GCNT2: variants seen among roughly 807,000 people sequenced by gnomAD.
The protein encoded by GCNT2 is glucosaminyl (N-acetyl) transferase 2 (I blood group).
GCNT2 carries 34 observed loss-of-function variants against 34.2 expected under a neutral mutation model. The observed-to-expected ratio is 1.00, with a 90% CI of 0.76 to 1.32. The LOEUF (loss-of-function observed/expected upper bound fraction) is 1.32, where lower values mean the gene tolerates loss of function less well. Ranked by LOEUF, GCNT2 falls within the 40% of genes most tolerant of loss-of-function variation. The probability of loss-of-function intolerance (pLI) is 0.00; values close to 1 mark genes in which losing one functional copy is unlikely to be tolerated. For missense variants in GCNT2, 584 were observed against 489.4 expected (o/e 1.19, Z -1.82); for synonymous variants, 212 against 188.0 (o/e 1.13, Z -1.04).
intron 3 of GCNT2, among the ~76,000 whole-genome samples, chr6:10,572,273 A>T (rs1363253506): frequency 6.6e-6 from 1 of 152,220 alleles, no homozygotes; most frequent in Non-Finnish European, 1.5e-5. Flanking sequence ...CCACTCATTT[A>T]TGTAGGTTAC....
chr6:10,605,325 C>T (rs1765261871), intron 3 of GCNT2, among the ~76,000 whole-genome samples: 1 of 150,414 alleles, frequency 6.6e-6, no homozygotes, highest in South Asian at 2.1e-4. Context: ...AAGCCATCCC[C>T]CTACCTCAGC....
chr6:10,625,540 A>G (rs1396327885), intron 4 of GCNT2, among the ~76,000 whole-genome samples: 1 of 152,088 alleles, frequency 6.6e-6, no homozygotes, highest in African/African-American at 2.4e-5. Context: ...AAATTTCAAT[A>G]TTGACGTGTT....
chr6:10,545,328 C>T (rs1425935246), intron 3 of GCNT2, among the ~76,000 whole-genome samples: 1 of 152,066 alleles, frequency 6.6e-6, no homozygotes, highest in East Asian at 1.9e-4. Flanking sequence ...TCTGCGCTAT[C>T]GACATTTGAC....
chr6:10,565,084 C>T (rs1304508617), intron 3 of GCNT2, among the ~76,000 whole-genome samples: 1 of 152,170 alleles, frequency 6.6e-6, no homozygotes, highest in Non-Finnish European at 1.5e-5. Flanking sequence ...TGAAAGAGGT[C>T]CCAGGCAGAG....
chr6:10,529,821 C>A lies in GCNT2; in HGVS notation c.910C>A (p.Leu304Ile). The A allele has an allele frequency of 1.9e-6, 3 of 1,613,240 alleles. No individual in the cohort carries two copies. The highest frequency in any genetic ancestry group is 1.7e-6 in the Non-Finnish European group (2 of 1,179,226). The change falls in exon 3 of 5, where the codon CTC becomes ATC. Residue 304 changes from leucine (L) to isoleucine (I), a missense_variant. Physicochemically the swap from Leu to Ile is conservative, Grantham distance 5. Transcript: ENST00000495262. ...CCCCGACGAACATTTCTGGGTGACA[C>A]TCAACAGGATTCCCGGTATGTACGT... ...YSPDEHFWVT[L>I]NRIPGVPGSM...
intron 3 of GCNT2, among the ~76,000 whole-genome samples, chr6:10,617,428 T>C (rs1259897194): frequency 6.6e-6 from 1 of 152,188 alleles, no homozygotes; most frequent in Non-Finnish European, 1.5e-5. Context: ...CTGAGGGAGC[T>C]GGCTCTGGCC....
Position 10,605,365 on chromosome 6 carries a change from C to T in GCNT2, c.926-15986C>T, listed in dbSNP as rs115730194. Among the ~76,000 whole-genome samples, 1,138 of 139,342 alleles carry T rather than the reference C, an allele frequency of 8.2e-3. 16 individuals are homozygous for T. Among genetic ancestry groups the T allele is most frequent in the African/African-American group, 0.026 (1,049 of 40,416 alleles). 91.4% of individuals were successfully genotyped at this position (139,342 alleles called of 152,430 possible). A position where few individuals can be genotyped will look rare whatever the true frequency, so the allele number is the denominator to read the frequency against. Reference sequence around the variant, plus strand: ...CAAGTAGCTGGGACGCACAGTACCACGCCTGGCTTTTTTTTTTTTTTCTTT... The same window carrying T: ...CAAGTAGCTGGGACGCACAGTACCATGCCTGGCTTTTTTTTTTTTTTCTTT... On this transcript the variant is annotated intron_variant, in intron 3 of 4. Transcript: ENST00000495262.
chr6:10,528,945 G>A lies in GCNT2; in HGVS notation c.34G>A (p.Ala12Thr), dbSNP rs750856198. Residue 12 changes from alanine (A) to threonine (T), a missense_variant, in exon 3 of 5, where the codon GCG becomes ACG. By Grantham distance (58) the Ala-to-Thr change is moderately conservative. Transcript: ENST00000495262. ...CTCTTGGAAGCACTGTCTTTTTAGCGCGTCTCTTATCTCTGCCCTGATTTT... is the reference window on the plus strand; with the variant it reads ...CTCTTGGAAGCACTGTCTTTTTAGCACGTCTCTTATCTCTGCCCTGATTTT... ...MGSWKHCLFS[A>T]SLISALIFVF... 2.8e-5 allele frequency: 45 copies of A among 1,613,724 alleles called. No individual in the cohort carries two copies. The East Asian group carries it at 5.8e-4, about 21-fold the overall frequency.
At chr6:10,523,327 G>A (rs1470913380) in intron 1 of GCNT2, among the ~76,000 whole-genome samples, 1 of 151,706 alleles carries the variant, frequency 6.6e-6, no homozygotes, top group Non-Finnish European at 1.5e-5. Context: ...TCGGGAGGCT[G>A]AGGCAGGAGA....
chr6:10,521,834 A>G (rs1760929603), intron 1 of GCNT2, among the ~76,000 whole-genome samples: 1 of 151,940 alleles, frequency 6.6e-6, no homozygotes, highest in Non-Finnish European at 1.5e-5. Flanking sequence ...TATGTTTCTC[A>G]GTTCCTTCAG....
At chr6:10,548,819 C>T (rs1318545404) in intron 3 of GCNT2, among the ~76,000 whole-genome samples, 3 of 151,772 alleles carry the variant, frequency 2.0e-5, no homozygotes, top group East Asian at 3.9e-4. Context: ...AGTGCAATGG[C>T]GTGATCTCAG....
At chr6:10,543,740 C>T (rs1385916600) in intron 3 of GCNT2, among the ~76,000 whole-genome samples, 2 of 152,096 alleles carry the variant, frequency 1.3e-5, no homozygotes, top group Non-Finnish European at 2.9e-5. Context: ...GATATATCTT[C>T]TTAGAAGAGG....
chr6:10,531,504 T>A (rs1411044473), intron 3 of GCNT2, among the ~76,000 whole-genome samples: 1 of 152,198 alleles, frequency 6.6e-6, no homozygotes, highest in East Asian at 1.9e-4. Context: ...ACTATTGATA[T>A]TTGTACAGCT....
rs529911348 is a variant in GCNT2 at position 10,533,301 on chromosome 6, A to G, written c.925+3465A>G. Among the ~76,000 whole-genome samples, 14 of 152,122 alleles carry G rather than the reference A, an allele frequency of 9.2e-5. No homozygotes were observed. The East Asian group carries it at 2.5e-3, about 27-fold the overall frequency. ...CGTCTGGGCGACAGAGTGAGACTCC[A>G]TCTCAGAAATAAAAATTTAAAAAAA... On this transcript the variant is annotated intron_variant, in intron 3 of 4. Transcript: ENST00000495262.
intron 3 of GCNT2, among the ~76,000 whole-genome samples, chr6:10,612,658 G>T (rs1246041648): frequency 6.6e-6 from 1 of 152,154 alleles, no homozygotes; most frequent in Non-Finnish European, 1.5e-5. Flanking sequence ...ACTGTACACA[G>T]ATTTTTCTCA....
intron 3 of GCNT2, among the ~76,000 whole-genome samples, chr6:10,616,372 T>C (rs1340077173): frequency 1.3e-5 from 2 of 152,158 alleles, no homozygotes; most frequent in Non-Finnish European, 2.9e-5. Context: ...ACTTCCACAG[T>C]GTGGAAAGCA....
intron 3 of GCNT2, among the ~76,000 whole-genome samples, chr6:10,569,373 A>G (rs2127394344): frequency 6.6e-6 from 1 of 152,082 alleles, no homozygotes; most frequent in Admixed American, 6.5e-5. Context: ...ACCAGGCTGG[A>G]TTGCAGTGTG....
At chr6:10,617,136 C>T (rs540196364) in intron 3 of GCNT2, among the ~76,000 whole-genome samples, 3 of 152,174 alleles carry the variant, frequency 2.0e-5, no homozygotes, top group East Asian at 1.9e-4. Context: ...AGGCTCTGGC[C>T]GCGCAGGAGC....
chr6:10,531,040 CAAAA>C (rs568195630), intron 3 of GCNT2, among the ~76,000 whole-genome samples: 8 of 95,788 alleles, frequency 8.4e-5, no homozygotes, highest in East Asian at 3.2e-4. Context: ...GACTCTGTCT[CAAAA>C]AAAAAAAAAA....
Sources: gnomAD v4.1 joint callset for allele counts (sites outside exome capture counted in the v4.1 genomes callset) on GRCh38, gnomAD v4.1.1 for gene constraint, MANE v1.5 for transcripts, NCBI Gene and HGNC (gene_info 2026-07-23, HGNC 2026-07-21) for gene names.